The following FHAD1 variants were observed in gnomAD, a reference collection of about 807,000 sequenced individuals.
FHAD1 encodes the protein forkhead associated phosphopeptide binding domain 1, also known as forkhead-associated domain-containing protein 1.
In FHAD1, 146 loss-of-function variants were observed where a neutral mutation model predicts 191.3. The observed-to-expected ratio is 0.76, with a 90% CI of 0.67 to 0.88. FHAD1 has a LOEUF of 0.88. Among genes scored for constraint, FHAD1 ranks in the 40% least tolerant of loss-of-function variants. FHAD1 has a pLI of 0.00. For missense variants in FHAD1, 1,635 were observed against 1,785.8 expected, an observed-to-expected ratio of 0.92 and a Z score of 1.52; for synonymous variants, 616 against 672.3, an observed-to-expected ratio of 0.92 and a Z score of 1.29.
intron 14 of FHAD1, among the ~76,000 whole-genome samples, chr1:15,335,943 G>A (rs532724764): frequency 5.9e-5 from 9 of 152,122 alleles, no homozygotes; most frequent in East Asian, 3.9e-4. Context: ...CGTTGCAGCC[G>A]AGCAAAATCC....
intron 1 of FHAD1, among the ~76,000 whole-genome samples, chr1:15,239,184 G>A (rs1036031370): frequency 5.9e-5 from 9 of 152,136 alleles, no homozygotes; most frequent in Non-Finnish European, 1.5e-5. Flanking sequence ...TGGGATTACA[G>A]GCATGAGCTA....
intron 3 of FHAD1, among the ~76,000 whole-genome samples, chr1:15,280,263 T>C (rs561184011): frequency 2.0e-5 from 3 of 152,286 alleles, no homozygotes; most frequent in Non-Finnish European, 4.4e-5. Context: ...ATAGCCAAGC[T>C]TTGTCATCTC....
intron 2 of FHAD1, among the ~76,000 whole-genome samples, chr1:15,258,307 T>C (rs1399553571): frequency 3.3e-5 from 5 of 152,238 alleles, no homozygotes; most frequent in Admixed American, 3.3e-4. Flanking sequence ...TGAATTTGCC[T>C]GTAGCAGGTT....
At chr1:15,393,875 C>T (rs1705055819) in intron 33 of FHAD1, among the ~76,000 whole-genome samples, 1 of 151,914 alleles carries the variant, frequency 6.6e-6, no homozygotes, top group African/African-American at 2.4e-5. Flanking sequence ...TTCACAGGGA[C>T]GTCTTCACTC....
chr1:15,246,472 CTGCTGGAGATAGT>C (rs1401846106), upstream of FHAD1, among the ~76,000 whole-genome samples: 1 of 80,268 alleles, frequency 1.2e-5, no homozygotes, highest in Non-Finnish European at 3.7e-5. Context: ...ATAGGATTTC[CTGCTGGAGATAGT>C]GGCGGGAGAT....
chr1:15,352,900 C>G lies in FHAD1; in HGVS notation c.2478C>G (p.Tyr826Ter), dbSNP rs552564683. Residue 826 changes from tyrosine to a stop codon, truncating the protein, a stop_gained, in exon 20 of 34, where the codon TAC becomes TAG. Transcript: ENST00000688493. LOFTEE classifies it high-confidence loss of function. ...QKEISESNIA[Y>*]EKRKAKEAME... ...AGATCTCAGAGAGCAACATTGCGTA[C>G]GAGAAACGCAAAGCAAAGGAGGCCA... The G allele has an allele frequency of 1.9e-6, 3 of 1,551,084 alleles. No homozygotes were observed. Among genetic ancestry groups the G allele is most frequent in the Non-Finnish European group, 2.6e-6 (3 of 1,146,798 alleles).
intron 10 of FHAD1, among the ~76,000 whole-genome samples, chr1:15,321,669 C>T (rs1392694955): frequency 6.6e-6 from 1 of 152,214 alleles, no homozygotes; most frequent in Non-Finnish European, 1.5e-5. Context: ...TTTTCTTCAG[C>T]GTGAAGAACA....
At chr1:15,393,753 C>T (rs1005853724) in intron 33 of FHAD1, among the ~76,000 whole-genome samples, 1 of 151,756 alleles carries the variant, frequency 6.6e-6, no homozygotes, top group African/African-American at 2.4e-5. Context: ...TAGACATGAG[C>T]CACTGCCCCT....
At chr1:15,266,117 G>A (rs1653378166) in intron 2 of FHAD1, among the ~76,000 whole-genome samples, 1 of 152,000 alleles carries the variant, frequency 6.6e-6, no homozygotes, top group Non-Finnish European at 1.5e-5. Flanking sequence ...TTATTTTTGT[G>A]TGTTTGTTTT....
intron 14 of FHAD1, among the ~76,000 whole-genome samples, chr1:15,330,712 G>A (rs1156903242): frequency 1.3e-5 from 2 of 152,218 alleles, no homozygotes; most frequent in African/African-American, 4.8e-5. Flanking sequence ...GTGGTGGCAG[G>A]GGAGCATGGA....
chr1:15,328,376 G>GATA lies in FHAD1; in HGVS notation c.1658_1659insTAA (p.Glu553delinsAspLys). ...GACCCAGCTGAGCAACTCCAAGCAG[G>GATA]AGGAGACCACCGAGAACATCGAGAA... is the stretch of plus-strand genomic sequence containing the variant. On this transcript the variant is annotated protein_altering_variant, in exon 13 of 34. Coordinates refer to ENST00000688493, the MANE Select transcript of FHAD1 (RefSeq NM_001391957.1). The GATA allele has an allele frequency of 6.6e-7, 1 of 1,506,070 alleles. No individual in the cohort carries two copies. The highest frequency in any genetic ancestry group is 8.9e-7 in the Non-Finnish European group (1 of 1,122,974). The allele number at this position is 1,506,070 out of a possible 1,614,324, so 93.3% of individuals were successfully genotyped here. A position where few individuals can be genotyped will look rare whatever the true frequency, so the allele number is the denominator to read the frequency against.
intron 1 of FHAD1, among the ~76,000 whole-genome samples, chr1:15,239,198 T>C (rs1021018390): frequency 2.6e-5 from 4 of 152,004 alleles, no homozygotes; most frequent in Non-Finnish European, 5.9e-5. Flanking sequence ...TGAGCTACCA[T>C]GCTCAGCCCC....
intron 4 of FHAD1, among the ~76,000 whole-genome samples, chr1:15,290,989 C>T (rs954338887): frequency 9.9e-5 from 15 of 152,060 alleles, no homozygotes; most frequent in African/African-American, 3.6e-4. Flanking sequence ...GCTGGGATTA[C>T]AGACATGAGC....
chr1:15,390,681 G>A (rs991778947), intron 32 of FHAD1, among the ~76,000 whole-genome samples: 2 of 152,172 alleles, frequency 1.3e-5, no homozygotes, highest in Non-Finnish European at 2.9e-5. Flanking sequence ...ACATCTTGGG[G>A]ACCCCAGGGT....
chr1:15,286,250 C>T (rs868420515), intron 3 of FHAD1, among the ~76,000 whole-genome samples: 2 of 152,154 alleles, frequency 1.3e-5, no homozygotes, highest in African/African-American at 4.8e-5. Flanking sequence ...TGCCTGTAAT[C>T]CCAGCACTGT....
chr1:15,306,488 C>T (rs1558060688), intron 6 of FHAD1, among the ~76,000 whole-genome samples: 1 of 152,218 alleles, frequency 6.6e-6, no homozygotes, highest in Non-Finnish European at 1.5e-5. Context: ...GTCTCCAGGA[C>T]ATGTCAGAGA....
chr1:15,289,545 C>G lies in FHAD1; in HGVS notation c.447C>G (p.Ser149=). ...CAGCACCGATGCAAAGGAGCTGGTC[C>G]CAGGCCTTTCCCAGACCCACCGTGG... The part of the protein sequence containing the change: ...VQPAPMQRSW[S]QAFPRPTVVL... The change falls in exon 4 of 34, where the codon TCC becomes TCG. Residue 149 remains serine, a synonymous_variant. Transcript: ENST00000688493. This position sits in a 1 kb window ranked among gnomAD's most constrained non-coding sequence, Gnocchi z 4.2. 6.4e-7 allele frequency: 1 copy of G among 1,551,842 alleles called. No individual in the cohort carries two copies.
intron 6 of FHAD1, among the ~76,000 whole-genome samples, chr1:15,305,413 G>A (rs933198637): frequency 2.0e-5 from 3 of 152,158 alleles, no homozygotes; most frequent in Non-Finnish European, 4.4e-5. Flanking sequence ...CTAGAGCCAC[G>A]TGGAAAGAAC....
upstream of FHAD1, among the ~76,000 whole-genome samples, chr1:15,243,231 C>T (rs1253043452): frequency 3.3e-5 from 5 of 152,180 alleles, no homozygotes; most frequent in Non-Finnish European, 1.5e-5. Context: ...TTATTCTCTC[C>T]ATGGTTTGAA....
Sources: allele counts gnomAD v4.1 joint callset (sites outside exome capture counted in the v4.1 genomes callset), GRCh38; gene constraint gnomAD v4.1.1; non-coding constraint Gnocchi (gnomAD v3.1); transcripts MANE v1.5; gene names NCBI Gene and HGNC (gene_info 2026-07-23, HGNC 2026-07-21).